The following SLC9A9 variants were observed in gnomAD, a reference collection of about 807,000 sequenced individuals.
The protein encoded by SLC9A9 is sodium/hydrogen exchanger 9.
Under a neutral mutation model 77.8 loss-of-function variants are expected in SLC9A9, and 62 were observed. The ratio of observed to expected loss-of-function variants is 0.80; its 90% CI spans 0.65 to 0.98. The LOEUF is 0.98. SLC9A9 is among the 50% of genes least tolerant of loss of function. The pLI, the probability that SLC9A9 is intolerant of heterozygous loss-of-function variation, is 0.00. For synonymous variants in SLC9A9, 320 were observed against 283.5 expected, an observed-to-expected ratio of 1.13 and a Z score of -1.29; for missense variants, 775 against 774.9, an observed-to-expected ratio of 1.00 and a Z score of 0.00.
chr3:143,759,802 A>T (rs1287318541), intron 4 of SLC9A9, among the ~76,000 whole-genome samples: 1 of 152,098 alleles, frequency 6.6e-6, no homozygotes, highest in Non-Finnish European at 1.5e-5. Flanking sequence ...ATTTTCTGTT[A>T]TCTTGCAGTT....
chr3:143,517,927 A>G, intron 9 of SLC9A9: 1 of 1,493,280 alleles, frequency 6.7e-7, no homozygotes, highest in Non-Finnish European at 9.3e-7. Flanking sequence ...CCGCATTTTC[A>G]TCTCCCATTT....
chr3:143,797,007 A>T, intron 2 of SLC9A9, 104 bp from the exon 3 acceptor site: 2 of 864,378 alleles, frequency 2.3e-6, no homozygotes, highest in African/African-American at 1.7e-5. Flanking sequence ...AGCCTTTGTG[A>T]GGCATATTAA....
intron 14 of SLC9A9, among the ~76,000 whole-genome samples, chr3:143,286,821 C>T (rs1938394258): frequency 6.6e-6 from 1 of 152,168 alleles, no homozygotes; most frequent in Non-Finnish European, 1.5e-5. Flanking sequence ...AACTTTTTAG[C>T]ATAATACTTC....
chr3:143,546,298 TG>T (rs1414305954), intron 9 of SLC9A9, among the ~76,000 whole-genome samples: 1 of 152,232 alleles, frequency 6.6e-6, no homozygotes, highest in African/African-American at 2.4e-5. Context: ...AAATATCATC[TG>T]GGGGGAATGG....
intron 4 of SLC9A9, among the ~76,000 whole-genome samples, chr3:143,765,270 C>T (rs1446305979): frequency 3.3e-4 from 50 of 151,698 alleles, no homozygotes; most frequent in Admixed American, 3.2e-3. Context: ...AACTCCTGGG[C>T]TCAAGGGATT....
chr3:143,428,420 TC>T (rs2034446098), intron 12 of SLC9A9, among the ~76,000 whole-genome samples: 1 of 151,860 alleles, frequency 6.6e-6, no homozygotes, highest in African/African-American at 2.4e-5. Flanking sequence ...CAAAAAGACC[TC>T]CCCACCCCAG....
At position 143,848,298 on chromosome 3, in the gene SLC9A9, A is replaced by C. The variant is rs777730097; in HGVS notation, c.25T>G (p.Ser9Ala). 1.9e-6 allele frequency: 3 copies of C among 1,613,984 alleles called. No individual in the cohort carries two copies. Among genetic ancestry groups the C allele is most frequent in the South Asian group, 1.1e-5 (1 of 91,076 alleles). Residue 9 changes from serine to alanine, a missense_variant, in exon 1 of 16, where the codon TCA becomes GCA. Transcript: ENST00000316549. Reference sequence around the variant, plus strand: ...TGAAACTGATACTCATCCTTTTCTGACATAACCCTTGACTGTCTCTCCATT... The same window carrying C: ...TGAAACTGATACTCATCCTTTTCTGCCATAACCCTTGACTGTCTCTCCATT... MERQSRVM[S>A]EKDEYQFQHQ...
intron 4 of SLC9A9, among the ~76,000 whole-genome samples, chr3:143,754,379 A>G (rs947485868): frequency 1.1e-4 from 16 of 152,080 alleles, no homozygotes; most frequent in African/African-American, 3.6e-4. Flanking sequence ...CCTGTCAGTG[A>G]ATATTTTCTA....
At chr3:143,634,929 G>T (rs60557516) in intron 6 of SLC9A9, among the ~76,000 whole-genome samples, 47,234 of 151,798 alleles carry the variant, frequency 0.31, 7,665 homozygotes, top group African/African-American at 0.4. Flanking sequence ...AGGGAAAGGG[G>T]TGAAATAGGG....
intron 2 of SLC9A9, among the ~76,000 whole-genome samples, chr3:143,828,245 C>A (rs1167907863): frequency 6.6e-6 from 1 of 152,154 alleles, no homozygotes; most frequent in African/African-American, 2.4e-5. Flanking sequence ...TACAATTCTA[C>A]CAACTCCAAG....
At chr3:143,606,436 C>CTCTCTCTCTCTCTCTCTCTATATATATA (rs1419410834) in intron 6 of SLC9A9, among the ~76,000 whole-genome samples, 1 of 54,216 alleles carries the variant, frequency 1.8e-5, no homozygotes, top group African/African-American at 7.7e-5. Context: ...CTCTCTCTCT[C>CTCTCTCTCTCTCTCTCTCTATATATATA]TATATATATA....
intron 4 of SLC9A9, among the ~76,000 whole-genome samples, chr3:143,766,098 G>A (rs1560069511): frequency 2.0e-5 from 3 of 152,164 alleles, no homozygotes; most frequent in Admixed American, 1.3e-4. Context: ...CTCTTGAGCT[G>A]TTATTGTCTT....
intron 14 of SLC9A9, among the ~76,000 whole-genome samples, chr3:143,354,855 T>C (rs2032547257): frequency 6.6e-6 from 1 of 152,204 alleles, no homozygotes; most frequent in African/African-American, 2.4e-5. Context: ...CAAAACACCA[T>C]GGCTTCACCT....
intron 9 of SLC9A9, among the ~76,000 whole-genome samples, chr3:143,545,330 G>T (rs898481925): frequency 6.6e-6 from 1 of 152,130 alleles, no homozygotes; most frequent in African/African-American, 2.4e-5. Context: ...ATGACATGTT[G>T]TGCATCCCTC....
At chr3:143,481,877 C>G (rs900962888) in intron 11 of SLC9A9, among the ~76,000 whole-genome samples, 2 of 152,290 alleles carry the variant, frequency 1.3e-5, no homozygotes, top group African/African-American at 4.8e-5. Context: ...ATTCTTATTT[C>G]TAGGCACTGC....
intron 9 of SLC9A9, among the ~76,000 whole-genome samples, chr3:143,512,744 TG>T (rs1559947170): frequency 6.6e-6 from 1 of 152,042 alleles, no homozygotes; most frequent in African/African-American, 2.4e-5. Flanking sequence ...GTCGTGGTGG[TG>T]GGTGCCTGTA....
chr3:143,548,160 G>A (rs1214165202), intron 9 of SLC9A9, among the ~76,000 whole-genome samples: 1 of 152,182 alleles, frequency 6.6e-6, no homozygotes, highest in Non-Finnish European at 1.5e-5. Context: ...ACCATGTGAA[G>A]GGAAGGAGAA....
At chr3:143,544,535 GTTGT>G (rs549162931) in intron 9 of SLC9A9, among the ~76,000 whole-genome samples, 2 of 152,040 alleles carry the variant, frequency 1.3e-5, no homozygotes. Context: ...TGCTCATTTA[GTTGT>G]TTAAGTTTCT....
chr3:143,655,447 A>G, intron 5 of SLC9A9: 1 of 984,072 alleles, frequency 1.0e-6, no homozygotes, highest in Non-Finnish European at 1.2e-6. Flanking sequence ...CGATTTCTTA[A>G]ACCTTTGATT....
Sources: allele counts gnomAD v4.1 joint callset (sites outside exome capture counted in the v4.1 genomes callset), GRCh38; gene constraint gnomAD v4.1.1; transcripts MANE v1.5; gene names NCBI Gene and HGNC (gene_info 2026-07-23, HGNC 2026-07-21).